The following SCMH1 variants were observed in gnomAD, a reference collection of about 807,000 sequenced individuals.
SCMH1 encodes polycomb protein SCMH1.
A neutral mutation model predicts 70.8 loss-of-function variants in SCMH1; 37 were observed. The observed-to-expected ratio is 0.52, with a 90% confidence interval of 0.40 to 0.69. SCMH1 has a LOEUF of 0.69. Among genes scored for constraint, SCMH1 ranks in the 30% least tolerant of loss-of-function variants. The probability of loss-of-function intolerance (pLI) is 0.00; values close to 1 mark genes in which losing one functional copy is unlikely to be tolerated. For synonymous variants in SCMH1, 292 were observed against 307.4 expected (o/e 0.95, Z 0.52); for missense variants, 607 against 827.3 (o/e 0.73, Z 3.27).
chr1:41,069,730 A>G lies in SCMH1; in HGVS notation c.1105+865T>C, dbSNP rs115029615. Reference sequence around the variant, plus strand: ...TATCAAAGTCACACAAAGTGAATCAAGGCCCACTCAAGAGATGGCGACACA... The same window carrying G: ...TATCAAAGTCACACAAAGTGAATCAGGGCCCACTCAAGAGATGGCGACACA... On this transcript the variant is annotated intron_variant, in intron 10 of 14. Coordinates refer to ENST00000337495, the Ensembl canonical transcript of SCMH1. 2.4e-3 allele frequency among the ~76,000 whole-genome samples: 367 copies of G among 152,338 alleles called. 2 individuals are homozygous for G. Among genetic ancestry groups the G allele is most frequent in the African/African-American group, 8.2e-3 (340 of 41,586 alleles).
intron 4 of SCMH1, among the ~76,000 whole-genome samples, chr1:41,160,215 A>G (rs1645901391): frequency 6.6e-6 from 1 of 152,228 alleles, no homozygotes; most frequent in South Asian, 2.1e-4. Flanking sequence ...TACTTGAACA[A>G]AAATTGATAC....
chr1:41,126,616 T>C (rs553641706), intron 6 of SCMH1, among the ~76,000 whole-genome samples: 50 of 152,290 alleles, frequency 3.3e-4, no homozygotes, highest in African/African-American at 1.2e-3. Context: ...TGTGTATACA[T>C]ACATATTTCC....
At chr1:41,181,593 A>C (rs1648790981) in intron 2 of SCMH1, among the ~76,000 whole-genome samples, 1 of 152,224 alleles carries the variant, frequency 6.6e-6, no homozygotes. Context: ...CAGACACATG[A>C]AGAAATGCTC....
chr1:41,088,111 G>C (rs890350067), intron 8 of SCMH1, among the ~76,000 whole-genome samples: 2 of 151,910 alleles, frequency 1.3e-5, no homozygotes, highest in Non-Finnish European at 2.9e-5. Flanking sequence ...TGACTCCCAG[G>C]GTATACTGTT....
At chr1:41,065,026 AG>A (rs1319601980) in intron 10 of SCMH1, among the ~76,000 whole-genome samples, 1 of 152,262 alleles carries the variant, frequency 6.6e-6, no homozygotes, top group Non-Finnish European at 1.5e-5. Flanking sequence ...GAGGAAAACT[AG>A]AAAAGTTTTT....
intron 1 of SCMH1, among the ~76,000 whole-genome samples, chr1:41,222,544 A>G (rs901046949): frequency 3.3e-5 from 5 of 152,198 alleles, no homozygotes; most frequent in African/African-American, 1.2e-4. Flanking sequence ...ATAATACAGC[A>G]AAAGAGACTG....
chr1:41,149,136 A>G (rs1238302478), intron 5 of SCMH1, among the ~76,000 whole-genome samples: 3 of 151,988 alleles, frequency 2.0e-5, no homozygotes, highest in Non-Finnish European at 2.9e-5. Flanking sequence ...TTCTTCAAAT[A>G]TTTTTTCTAT....
intron 6 of SCMH1, among the ~76,000 whole-genome samples, chr1:41,142,257 G>A (rs761673392): frequency 3.3e-5 from 5 of 151,818 alleles, no homozygotes; most frequent in Admixed American, 6.6e-5. Context: ...TAACTCTCTC[G>A]GTCCCCCATT....
Position 41,176,537 on chromosome 1 carries a change from G to A in SCMH1, c.13+9584C>T, listed in dbSNP as rs190850102. Among the ~76,000 whole-genome samples the A allele has an allele frequency of 3.1e-3, 468 of 152,294 alleles. 2 individuals are homozygous for A. The highest frequency in any genetic ancestry group is 5.2e-3 in the Non-Finnish European group (351 of 68,024). On this transcript the variant is annotated intron_variant, in intron 2 of 14. Coordinates refer to ENST00000337495, the Ensembl canonical transcript of SCMH1. ...GGTGACAGACGGCACCTGGAAAATC[G>A]GGTCACTCCCATCCTAATACTGCGC...
chr1:41,217,166 T>G (rs1191833676), intron 1 of SCMH1, among the ~76,000 whole-genome samples: 1 of 152,172 alleles, frequency 6.6e-6, no homozygotes, highest in Non-Finnish European at 1.5e-5. Flanking sequence ...GGTAGAGCCT[T>G]CAAAGGAAAT....
At chr1:41,235,826 A>C (rs1422750496) in intron 1 of SCMH1, among the ~76,000 whole-genome samples, 2 of 152,100 alleles carry the variant, frequency 1.3e-5, no homozygotes, top group African/African-American at 2.4e-5. Context: ...TCCCTAAATA[A>C]TACGTGCATG....
chr1:41,238,948 C>G (rs1662936705), intron 1 of SCMH1, among the ~76,000 whole-genome samples: 1 of 152,226 alleles, frequency 6.6e-6, no homozygotes, highest in Non-Finnish European at 1.5e-5. Context: ...AGGCAAAAAC[C>G]TGAGCATCAC....
rs924416068 is a variant in SCMH1, at chr1:41,078,667, G to T, written c.746-3216C>A. On this transcript the variant is annotated intron_variant, in intron 8 of 14. Coordinates refer to ENST00000337495, the Ensembl canonical transcript of SCMH1. ...GGGCTAAAAGAAACAGACTACCAAA[G>T]ATAGAATTATACACCCAGTGAAAAT... 3.9e-5 allele frequency among the ~76,000 whole-genome samples: 6 copies of T among 152,238 alleles called. 1 individual carries two copies. The highest frequency in any genetic ancestry group is 2.9e-5 in the Non-Finnish European group (2 of 67,990).
rs1187535672 is a variant in SCMH1, at chr1:41,099,870, ACTTT to A, written c.745+13409_745+13412del. On this transcript the variant is annotated intron_variant, in intron 8 of 14. Transcript: ENST00000337495. ...CCTTGTATGGGCTTGCTAAATGTTA[ACTTT>A]CTTTCTTCTTAAGATGATGCTCAGT... Among the ~76,000 whole-genome samples, 5 of 152,318 alleles carry A rather than the reference ACTTT, an allele frequency of 3.3e-5. No individual in the cohort carries two copies. In the South Asian group the frequency reaches 8.3e-4, roughly 25 times the overall value.
At chr1:41,090,950 A>G (rs1663271112) in intron 8 of SCMH1, among the ~76,000 whole-genome samples, 1 of 151,510 alleles carries the variant, frequency 6.6e-6, no homozygotes, top group African/African-American at 2.4e-5. Context: ...GAGGCAGGAG[A>G]ATGGTGTGAA....
At position 41,225,958 on chromosome 1, in the gene SCMH1, G is replaced by A. The variant is rs981846768; in HGVS notation, c.-118+16101C>T. Among the ~76,000 whole-genome samples the A allele has an allele frequency of 7.2e-5, 11 of 152,252 alleles. No individual in the cohort carries two copies. The South Asian group carries it at 1.5e-3, about 20-fold the overall frequency. ...AGACACAGCTTATCTGGTGAAAGGG[G>A]AGCAAGGAGGCAGAGTCCACCCTGC... On this transcript the variant is annotated intron_variant, in intron 1 of 14. Transcript: ENST00000337495.
intron 13 of SCMH1, among the ~76,000 whole-genome samples, chr1:41,031,753 T>C (rs563651752): frequency 4.6e-5 from 7 of 152,290 alleles, no homozygotes; most frequent in African/African-American, 1.7e-4. Flanking sequence ...TATGCAAGAA[T>C]GTGTCTTTCT....
At chr1:41,133,258 C>T (rs1187247972) in intron 6 of SCMH1, among the ~76,000 whole-genome samples, 1 of 152,140 alleles carries the variant, frequency 6.6e-6, no homozygotes, top group Non-Finnish European at 1.5e-5. Context: ...TCCTTCACAT[C>T]CTTTGTAAGT....
At chr1:41,066,274 T>C (rs1334567692) in intron 10 of SCMH1, among the ~76,000 whole-genome samples, 1 of 152,004 alleles carries the variant, frequency 6.6e-6, no homozygotes, top group Non-Finnish European at 1.5e-5. Context: ...GTTTCAGGGG[T>C]TGGGAAGGTA....
Sources: allele counts gnomAD v4.1 joint callset (sites outside exome capture counted in the v4.1 genomes callset), GRCh38; gene constraint gnomAD v4.1.1; transcripts MANE v1.5; gene names NCBI Gene and HGNC (gene_info 2026-07-23, HGNC 2026-07-21).